Variants in MAN1A2 observed in about 807,000 individuals in gnomAD.
MAN1A2 encodes mannosidase alpha class 1A member 2.
A neutral mutation model predicts 75.7 loss-of-function variants in MAN1A2; 26 were observed. The ratio of observed to expected loss-of-function variants is 0.34; its 90% CI spans 0.25 to 0.48. The LOEUF (loss-of-function observed/expected upper bound fraction) is 0.48, where lower values mean the gene tolerates loss of function less well. MAN1A2 is among the 20% of genes least tolerant of loss of function. MAN1A2 has a pLI of 0.99. For synonymous variants in MAN1A2, 247 were observed against 264.6 expected, an observed-to-expected ratio of 0.93 and a Z score of 0.65; for missense variants, 562 against 775.5, an observed-to-expected ratio of 0.72 and a Z score of 3.27.
chr1:117,368,444 C>T lies in MAN1A2; in HGVS notation c.261C>T (p.Pro87=). The T allele has an allele frequency of 1.2e-6, 2 of 1,613,616 alleles. No individual in the cohort carries two copies. Among genetic ancestry groups the T allele is most frequent in the South Asian group, 2.2e-5 (2 of 91,034 alleles). The change falls in exon 1 of 13, where the codon CCC becomes CCT. Residue 87 remains proline, a synonymous_variant. Coordinates refer to ENST00000356554, the MANE Select transcript of MAN1A2 (RefSeq NM_006699.5). The part of the protein sequence containing the change: ...HVDAGKGAKN[P]GVFLIHGPDE... ...ATGCCGGTAAAGGGGCTAAAAACCC[C>T]GGAGTCTTCCTGATCCATGGACCCG...
chr1:117,464,739 GA>G (rs1236582439), intron 7 of MAN1A2, among the ~76,000 whole-genome samples: 1 of 152,118 alleles, frequency 6.6e-6, no homozygotes, highest in Non-Finnish European at 1.5e-5. Flanking sequence ...TTTGGTGAGG[GA>G]AGGGAATGAA....
intron 8 of MAN1A2, among the ~76,000 whole-genome samples, chr1:117,488,273 G>A (rs981048129): frequency 2.0e-5 from 3 of 150,130 alleles, no homozygotes; most frequent in Non-Finnish European, 4.4e-5. Flanking sequence ...GTGCAGTGTT[G>A]CAACTTCTGC....
At chr1:117,375,962 A>T (rs1000090887) in intron 1 of MAN1A2, among the ~76,000 whole-genome samples, 1 of 144,782 alleles carries the variant, frequency 6.9e-6, no homozygotes, top group Admixed American at 7.1e-5. Context: ...CCCAGGCTGG[A>T]GTGCAGTGGC....
chr1:117,522,105 A>G (rs957398023), intron 12 of MAN1A2, among the ~76,000 whole-genome samples: 2 of 151,830 alleles, frequency 1.3e-5, no homozygotes, highest in Non-Finnish European at 2.9e-5. Context: ...TTATGGGTGC[A>G]CCAAAATCTC....
intron 12 of MAN1A2, among the ~76,000 whole-genome samples, chr1:117,510,003 CT>C (rs1279077433): frequency 6.6e-6 from 1 of 151,632 alleles, no homozygotes; most frequent in Admixed American, 6.6e-5. Context: ...ACCTATTATT[CT>C]GAAACTTGCA....
intron 1 of MAN1A2, among the ~76,000 whole-genome samples, chr1:117,373,871 T>G (rs192067530): frequency 8.5e-5 from 13 of 152,244 alleles, no homozygotes; most frequent in African/African-American, 2.4e-4. Context: ...ATGCAGAAGC[T>G]AAGTATCTTC....
chr1:117,411,336 G>C (rs186056739), intron 3 of MAN1A2, among the ~76,000 whole-genome samples: 1 of 151,888 alleles, frequency 6.6e-6, no homozygotes, highest in Admixed American at 6.6e-5. Context: ...TGATTAAAAG[G>C]ATAGCCTTTC....
intron 11 of MAN1A2, among the ~76,000 whole-genome samples, chr1:117,500,398 C>T (rs193213183): frequency 5.9e-5 from 9 of 151,978 alleles, no homozygotes; most frequent in Admixed American, 3.9e-4. Flanking sequence ...CTTCTACCTG[C>T]AAAAGCTCCT....
intron 1 of MAN1A2, among the ~76,000 whole-genome samples, chr1:117,398,368 T>C (rs576769527): frequency 2.0e-4 from 30 of 152,040 alleles, no homozygotes; most frequent in African/African-American, 6.5e-4. Flanking sequence ...AAGAAAATGG[T>C]GTGTAAAAGA....
intron 5 of MAN1A2, among the ~76,000 whole-genome samples, chr1:117,421,195 A>G (rs1300535489): frequency 2.0e-5 from 3 of 152,074 alleles, no homozygotes; most frequent in African/African-American, 7.2e-5. Context: ...AAATAGGTTA[A>G]AGAATGAGGT....
intron 6 of MAN1A2, among the ~76,000 whole-genome samples, chr1:117,450,644 C>G (rs557854752): frequency 6.6e-6 from 1 of 152,144 alleles, no homozygotes; most frequent in South Asian, 2.1e-4. Context: ...CCAGGGTCCC[C>G]TTGTGTGCAG....
At chr1:117,466,972 G>T (rs17185268) in intron 8 of MAN1A2, among the ~76,000 whole-genome samples, 40,384 of 151,936 alleles carry the variant, frequency 0.27, 5,901 homozygotes, top group East Asian at 0.47. Context: ...ACACATAAAT[G>T]TTACTGTACA....
intron 6 of MAN1A2, among the ~76,000 whole-genome samples, chr1:117,451,337 A>G (rs1649411129): frequency 6.6e-6 from 1 of 152,250 alleles, no homozygotes; most frequent in Admixed American, 6.5e-5. Context: ...TTGTATCTAT[A>G]AAGTAACTAA....
intron 5 of MAN1A2, among the ~76,000 whole-genome samples, chr1:117,429,905 G>A (rs559675066): frequency 1.4e-3 from 98 of 69,034 alleles, no homozygotes; most frequent in African/African-American, 5.5e-3. Flanking sequence ...CGGGCAGAGG[G>A]GCTCCTCACT....
intron 1 of MAN1A2, among the ~76,000 whole-genome samples, chr1:117,390,327 G>A (rs1289956): frequency 0.16 from 24,118 of 151,082 alleles, 2,307 homozygotes; most frequent in African/African-American, 0.24. Context: ...AGGCTGTTAA[G>A]GTAATCTAGT....
intron 5 of MAN1A2, among the ~76,000 whole-genome samples, chr1:117,425,064 G>A (rs1286696466): frequency 1.3e-5 from 2 of 148,558 alleles, no homozygotes; most frequent in South Asian, 2.1e-4. Context: ...CCAAAAGAAG[G>A]AGACAAAACA....
At chr1:117,377,546 A>C (rs1159997042) in intron 1 of MAN1A2, among the ~76,000 whole-genome samples, 3 of 152,242 alleles carry the variant, frequency 2.0e-5, no homozygotes, top group Non-Finnish European at 4.4e-5. Context: ...TTCACAAATC[A>C]GTGCACAAAG....
chr1:117,383,525 G>GATTGCT (rs1246900516), intron 1 of MAN1A2, among the ~76,000 whole-genome samples: 3 of 152,174 alleles, frequency 2.0e-5, no homozygotes, highest in African/African-American at 4.8e-5. Context: ...GCTTGAGAAT[G>GATTGCT]ATTGCTGTTA....
chr1:117,459,855 C>G (rs996943868), intron 6 of MAN1A2, among the ~76,000 whole-genome samples: 3 of 152,082 alleles, frequency 2.0e-5, no homozygotes, highest in Admixed American at 1.3e-4. Context: ...CAGGCACTAT[C>G]ATCGTTTGGT....
Sources: gnomAD v4.1 joint callset for allele counts (sites outside exome capture counted in the v4.1 genomes callset) on GRCh38, gnomAD v4.1.1 for gene constraint, MANE v1.5 for transcripts, NCBI Gene and HGNC (gene_info 2026-07-23, HGNC 2026-07-21) for gene names.